FRMD4B: variants seen among roughly 807,000 people sequenced by gnomAD.
The protein encoded by FRMD4B is FERM domain-containing protein 4B.
In FRMD4B, 74 loss-of-function variants were observed where a neutral mutation model predicts 141.5. The observed-to-expected ratio is 0.52, with a 90% CI of 0.43 to 0.63. FRMD4B has a LOEUF of 0.63. Ranked by LOEUF, FRMD4B falls within the 30% of genes least tolerant of loss-of-function variation. FRMD4B has a pLI of 0.00. For synonymous variants in FRMD4B, 506 were observed against 467.9 expected, an observed-to-expected ratio of 1.08 and a Z score of -1.05; for missense variants, 1,366 against 1,253.4, an observed-to-expected ratio of 1.09 and a Z score of -1.36.
chr3:69,228,739 G>C (rs2093277879), intron 7 of FRMD4B: 1 of 289,050 alleles, frequency 3.5e-6, no homozygotes, highest in Non-Finnish European at 6.9e-6. Context: ...TTGGGAGGCT[G>C]AAGTGGACCA....
intron 2 of FRMD4B, among the ~76,000 whole-genome samples, chr3:69,423,456 TC>T (rs1649522156): frequency 6.6e-6 from 1 of 152,194 alleles, no homozygotes; most frequent in Non-Finnish European, 1.5e-5. Flanking sequence ...GGTACACACG[TC>T]CCTTTCAGAG....
In FRMD4B at chr3:69,385,909, C is replaced by G; in HGVS notation, c.81G>C (p.Thr27=). 1 of 1,604,636 alleles carries G rather than the reference C, an allele frequency of 6.2e-7. No individual in the cohort carries two copies. The highest frequency in any genetic ancestry group is 8.5e-7 in the Non-Finnish European group (1 of 1,176,070). ...GCCTCTCCGTGTACCATCTCCGCAG[C>G]GTGGACACGGTCAAGTTCCATACGA... The part of the protein sequence containing the change: ...SRFVWNLTVS[T]LRRWYTERLR... Residue 27 remains threonine, a synonymous_variant, in exon 1 of 23, where the codon ACG becomes ACC. Coordinates refer to ENST00000398540, the MANE Select transcript of FRMD4B (RefSeq NM_015123.3).
chr3:69,245,681 T>G (rs1575652813), intron 7 of FRMD4B, among the ~76,000 whole-genome samples: 4 of 93,112 alleles, frequency 4.3e-5, no homozygotes, highest in Non-Finnish European at 9.8e-5. Context: ...TTTTTTTTTT[T>G]GTGACAGAGT....
chr3:69,194,358 T>C (rs949975511), intron 16 of FRMD4B, among the ~76,000 whole-genome samples: 2 of 152,168 alleles, frequency 1.3e-5, no homozygotes, highest in Non-Finnish European at 1.5e-5. Flanking sequence ...TTAAATGAGA[T>C]AGTATATGTG....
At position 69,189,245 on chromosome 3, in the gene FRMD4B, A is replaced by G. The variant is rs973176340; in HGVS notation, c.1771+651T>C. ...CTCAAAAAAAAAAAAAAAAAAAAAA[A>G]AGAGAGAGAGAGACAAGAAATGTAT... On this transcript the variant is annotated intron_variant, in intron 18 of 22. Transcript: ENST00000398540. 1.3e-4 allele frequency among the ~76,000 whole-genome samples: 19 copies of G among 149,050 alleles called. 1 individual carries two copies. The highest frequency in any genetic ancestry group is 8.7e-4 in the Admixed American group (13 of 14,938).
intron 1 of FRMD4B, among the ~76,000 whole-genome samples, chr3:69,337,326 A>C (rs1243255307): frequency 1.3e-5 from 2 of 152,216 alleles, no homozygotes; most frequent in Non-Finnish European, 2.9e-5. Context: ...TAAAGACTTA[A>C]ATGTTAGACC....
chr3:69,225,080 A>G (rs1293650793), intron 7 of FRMD4B, among the ~76,000 whole-genome samples: 1 of 152,204 alleles, frequency 6.6e-6, no homozygotes, highest in Non-Finnish European at 1.5e-5. Context: ...AACCATTCAC[A>G]TAACATCAAC....
intron 11 of FRMD4B, among the ~76,000 whole-genome samples, chr3:69,202,371 G>A (rs1458666589): frequency 6.6e-6 from 1 of 151,286 alleles, no homozygotes; most frequent in Non-Finnish European, 1.5e-5. Context: ...ATGTGTGTGT[G>A]TGTATATATA....
At chr3:69,263,114 A>C (rs1209862101) in intron 5 of FRMD4B, among the ~76,000 whole-genome samples, 1 of 151,966 alleles carries the variant, frequency 6.6e-6, no homozygotes, top group African/African-American at 2.4e-5. Flanking sequence ...CAAATTAGCC[A>C]GGCATGGTGG....
chr3:69,279,688 TCC>T, intron 5 of FRMD4B, among the ~76,000 whole-genome samples: 3 of 23,136 alleles, frequency 1.3e-4, no homozygotes, highest in Non-Finnish European at 2.2e-4. Flanking sequence ...CTCCTCCTCC[TCC>T]CCTCCTCCTT....
intron 1 of FRMD4B, among the ~76,000 whole-genome samples, chr3:69,465,484 G>A (rs973450268): frequency 1.3e-5 from 2 of 151,928 alleles, no homozygotes; most frequent in Non-Finnish European, 2.9e-5. Flanking sequence ...TTTGCTTACT[G>A]AACCCATCGA....
intron 11 of FRMD4B, 119 bp downstream of exon 11, chr3:69,216,144 A>G: frequency 1.9e-6 from 1 of 531,288 alleles, no homozygotes; most frequent in Non-Finnish European, 3.4e-6. Context: ...ACAAAGTGAG[A>G]CTCCATCTCA....
At chr3:69,433,579 C>A (rs768718182) in intron 1 of FRMD4B, among the ~76,000 whole-genome samples, 1 of 152,200 alleles carries the variant, frequency 6.6e-6, no homozygotes, top group Non-Finnish European at 1.5e-5. Context: ...CAAGATGGCA[C>A]AAGAAGCAGG....
intron 1 of FRMD4B, among the ~76,000 whole-genome samples, chr3:69,525,210 T>C (rs371859662): frequency 6.0e-4 from 91 of 152,316 alleles, no homozygotes; most frequent in Middle Eastern, 6.8e-3. Flanking sequence ...AAGTTATACA[T>C]TTATCCTCCT....
chr3:69,360,296 A>G (rs1256585520), intron 1 of FRMD4B, among the ~76,000 whole-genome samples: 1 of 152,164 alleles, frequency 6.6e-6, no homozygotes, highest in Admixed American at 6.6e-5. Context: ...TATATGTATT[A>G]TTTTGAAGCA....
intron 1 of FRMD4B, among the ~76,000 whole-genome samples, chr3:69,513,157 G>A (rs1706716221): frequency 6.6e-6 from 1 of 151,982 alleles, no homozygotes; most frequent in South Asian, 2.1e-4. Context: ...AATTTGATAA[G>A]TTCTTAGATG....
intron 2 of FRMD4B, among the ~76,000 whole-genome samples, chr3:69,404,207 G>A (rs988156884): frequency 4.6e-5 from 7 of 152,114 alleles, no homozygotes; most frequent in African/African-American, 9.7e-5. Flanking sequence ...TCCTAAGAAT[G>A]TTTTCTTTTG....
intron 1 of FRMD4B, among the ~76,000 whole-genome samples, chr3:69,316,112 C>A (rs1431171233): frequency 1.3e-5 from 2 of 152,170 alleles, no homozygotes; most frequent in Non-Finnish European, 2.9e-5. Context: ...TTTGATCGAA[C>A]TCTGCTTTAA....
chr3:69,459,982 A>G (rs1290889626), intron 1 of FRMD4B, among the ~76,000 whole-genome samples: 4 of 152,262 alleles, frequency 2.6e-5, no homozygotes, highest in Non-Finnish European at 5.9e-5. Context: ...CTAAATGCCC[A>G]GTGCCTGGCA....
Sources: allele counts gnomAD v4.1 joint callset (sites outside exome capture counted in the v4.1 genomes callset), GRCh38; gene constraint gnomAD v4.1.1; transcripts MANE v1.5; gene names NCBI Gene and HGNC (gene_info 2026-07-23, HGNC 2026-07-21).